Variants in TXNDC16 observed in about 807,000 individuals in gnomAD.
TXNDC16 encodes the protein thioredoxin domain-containing protein 16.
In TXNDC16, 74 loss-of-function variants were observed where a neutral mutation model predicts 85.6. The ratio of observed to expected loss-of-function variants is 0.86; its 90% confidence interval spans 0.72 to 1.05. The LOEUF (loss-of-function observed/expected upper bound fraction) is 1.05. Ranked by LOEUF, TXNDC16 falls within the 50% of genes least tolerant of loss-of-function variation. The pLI, the probability that TXNDC16 is intolerant of heterozygous loss-of-function variation, is 0.00. For missense variants in TXNDC16, 959 were observed against 947.0 expected (o/e 1.01, Z -0.17); for synonymous variants, 335 against 326.5 (o/e 1.03, Z -0.28).
At chr14:52,533,679 T>C (rs1430481171) in intron 6 of TXNDC16, among the ~76,000 whole-genome samples, 1 of 152,204 alleles carries the variant, frequency 6.6e-6, no homozygotes, top group Non-Finnish European at 1.5e-5. Flanking sequence ...GTTAAATTTT[T>C]CATCCCTTGG....
intron 12 of TXNDC16, among the ~76,000 whole-genome samples, chr14:52,486,714 A>T (rs1398010895): frequency 4.6e-5 from 7 of 152,176 alleles, no homozygotes; most frequent in Non-Finnish European, 1.0e-4. Context: ...ACAACACCAT[A>T]CAACATTCTG....
intron 18 of TXNDC16, among the ~76,000 whole-genome samples, chr14:52,450,013 T>C (rs751985459): frequency 6.6e-6 from 1 of 151,678 alleles, no homozygotes; most frequent in South Asian, 2.1e-4. Flanking sequence ...AACAACCCAA[T>C]GATACACCTA....
intron 4 of TXNDC16, among the ~76,000 whole-genome samples, chr14:52,538,683 T>C (rs1050624203): frequency 3.3e-5 from 5 of 152,088 alleles, no homozygotes; most frequent in Admixed American, 3.3e-4. Flanking sequence ...ATGGGGCAAA[T>C]GGAGAGCCAC....
intron 20 of TXNDC16, among the ~76,000 whole-genome samples, chr14:52,438,809 C>A (rs2035095228): frequency 6.6e-6 from 1 of 152,064 alleles, no homozygotes; most frequent in Non-Finnish European, 1.5e-5. Context: ...AGCTGGCATG[C>A]ACATGGAAAA....
At position 52,493,202 on chromosome 14, in the gene TXNDC16, T is replaced by TACACAC. The variant is rs1238441233; in HGVS notation, c.757-2198_757-2197insGTGTGT. On this transcript the variant is annotated intron_variant, in intron 9 of 20. Transcript: ENST00000281741. ...AACACATGTCACTGTTCTATATATA[T>TACACAC]ATATATATATATATACACACACACA... Among the ~76,000 whole-genome samples the TACACAC allele has an allele frequency of 3.2e-4, 41 of 127,850 alleles. No individual in the cohort carries two copies. In the South Asian group the frequency reaches 6.7e-3, roughly 21 times the overall value. 83.9% of individuals were successfully genotyped at this position (127,850 alleles called of 152,430 possible).
chr14:52,477,870 T>C (rs1285881736), intron 14 of TXNDC16, among the ~76,000 whole-genome samples: 1 of 152,048 alleles, frequency 6.6e-6, no homozygotes, highest in Non-Finnish European at 1.5e-5. Flanking sequence ...AACCACAGAA[T>C]ATACATTCTA....
intron 6 of TXNDC16, among the ~76,000 whole-genome samples, chr14:52,524,332 T>C (rs2037276814): frequency 6.6e-6 from 1 of 152,252 alleles, no homozygotes. Context: ...ATGAGTAGTA[T>C]GTTAACATAA....
intron 4 of TXNDC16, among the ~76,000 whole-genome samples, chr14:52,541,604 C>G (rs981984641): frequency 6.6e-6 from 1 of 152,170 alleles, no homozygotes; most frequent in Non-Finnish European, 1.5e-5. Context: ...TCTGGGAACT[C>G]TAGCTGCAGA....
chr14:52,519,082 A>T (rs983187200), intron 7 of TXNDC16, 90 bp downstream of exon 7: 1 of 1,280,598 alleles, frequency 7.8e-7, no homozygotes, highest in African/African-American at 1.5e-5. Flanking sequence ...AAATATTACG[A>T]CTGTAGTCAA....
chr14:52,514,791 G>A, intron 8 of TXNDC16, 89 bp downstream of exon 8: 1 of 902,428 alleles, frequency 1.1e-6, no homozygotes, highest in Non-Finnish European at 1.7e-6. Flanking sequence ...CCATGCTGTG[G>A]GAGCATAATG....
At chr14:52,521,413 G>A (rs748687693) in intron 6 of TXNDC16, among the ~76,000 whole-genome samples, 10 of 151,958 alleles carry the variant, frequency 6.6e-5, no homozygotes, top group South Asian at 2.1e-4. Flanking sequence ...GAGTCACTGC[G>A]CCTGGCCTTG....
chr14:52,528,846 T>G (rs1284301776), intron 6 of TXNDC16, among the ~76,000 whole-genome samples: 1 of 146,294 alleles, frequency 6.8e-6, no homozygotes, highest in South Asian at 2.1e-4. Flanking sequence ...TATATATATA[T>G]GTGTGTGTGT....
At chr14:52,550,444 A>G (rs1458690530) in intron 1 of TXNDC16, among the ~76,000 whole-genome samples, 1 of 152,190 alleles carries the variant, frequency 6.6e-6, no homozygotes, top group Non-Finnish European at 1.5e-5. Context: ...TCTCCCCTTT[A>G]GAGCCTTTTC....
chr14:52,493,136 A>G (rs1430942775), intron 9 of TXNDC16, among the ~76,000 whole-genome samples: 3 of 150,936 alleles, frequency 2.0e-5, no homozygotes, highest in Non-Finnish European at 4.4e-5. Flanking sequence ...AAAAAATTAT[A>G]TAAAAATTTA....
intron 6 of TXNDC16, among the ~76,000 whole-genome samples, chr14:52,520,576 C>T (rs2140194446): frequency 6.6e-6 from 1 of 152,248 alleles, no homozygotes. Context: ...CGCCACTGCA[C>T]TCCAGCCTGG....
intron 18 of TXNDC16, among the ~76,000 whole-genome samples, chr14:52,443,196 A>C (rs757126620): frequency 4.6e-5 from 7 of 152,134 alleles, no homozygotes; most frequent in Non-Finnish European, 1.0e-4. Context: ...AACATAAAGC[A>C]GACAGAAAAA....
intron 6 of TXNDC16, among the ~76,000 whole-genome samples, chr14:52,527,381 C>T (rs2037361432): frequency 6.6e-6 from 1 of 152,204 alleles, no homozygotes; most frequent in African/African-American, 2.4e-5. Context: ...ACTCCTCAAA[C>T]ATCTGGTCAC....
At chr14:52,532,789 A>C (rs1490504684) in intron 6 of TXNDC16, among the ~76,000 whole-genome samples, 1 of 152,134 alleles carries the variant, frequency 6.6e-6, no homozygotes, top group Non-Finnish European at 1.5e-5. Context: ...CAACAGAAAA[A>C]AAAAACTGCT....
chr14:52,499,543 C>T (rs1041278897), intron 9 of TXNDC16, among the ~76,000 whole-genome samples: 1 of 151,294 alleles, frequency 6.6e-6, no homozygotes, highest in African/African-American at 2.4e-5. Context: ...CATCACTAAT[C>T]ATCGGGAAAA....
Sources: allele counts gnomAD v4.1 joint callset (sites outside exome capture counted in the v4.1 genomes callset), GRCh38; gene constraint gnomAD v4.1.1; transcripts MANE v1.5; gene names NCBI Gene and HGNC (gene_info 2026-07-23, HGNC 2026-07-21).